The following ASXL2 variants were observed in gnomAD, a reference collection of about 807,000 sequenced individuals.
ASXL2 encodes the protein putative Polycomb group protein ASXL2.
ASXL2 carries 23 observed loss-of-function variants against 122.0 expected under a neutral mutation model. The observed-to-expected ratio is 0.19, with a 90% confidence interval of 0.14 to 0.27. ASXL2 has a LOEUF of 0.27. ASXL2 is among the 10% of genes least tolerant of loss of function. The probability of loss-of-function intolerance (pLI) is 1.00; values close to 1 mark genes in which losing one functional copy is unlikely to be tolerated. For missense variants in ASXL2, 1,518 were observed against 1,713.8 expected (o/e 0.89, Z 2.02); for synonymous variants, 650 against 637.0 (o/e 1.02, Z -0.31).
intron 9 of ASXL2, among the ~76,000 whole-genome samples, chr2:25,756,417 T>C (rs1574398999): frequency 1.2e-5 from 1 of 83,510 alleles, no homozygotes; most frequent in Non-Finnish European, 2.3e-5. Context: ...ATCCACCCAG[T>C]AGAAAATAAA....
chr2:25,869,520 C>T (rs996767100), intron 1 of ASXL2, among the ~76,000 whole-genome samples: 1 of 151,964 alleles, frequency 6.6e-6, no homozygotes, highest in Non-Finnish European at 1.5e-5. Context: ...TTCTTGTCCA[C>T]AATAAAAAAA....
rs1385006760 is a variant in ASXL2 at position 25,843,824 on chromosome 2, A to AAAAAAAG, written c.140+1656_140+1657insCTTTTTT. On this transcript the variant is annotated intron_variant, in intron 2 of 12. Transcript: ENST00000435504. Reference sequence around the variant, plus strand: ...TGAGACTCCATCTCTTAAAAAAAAAAAAAAAAAAGAAAGAAAGAAAGAAAG... The same window carrying AAAAAAAG: ...TGAGACTCCATCTCTTAAAAAAAAAAAAAAAAGAAAAAAAAGAAAGAAAGAAAGAAAG... Among the ~76,000 whole-genome samples, 3 of 151,396 alleles carry AAAAAAAG rather than the reference A, an allele frequency of 2.0e-5. 1 individual carries two copies. The highest frequency in any genetic ancestry group is 7.3e-5 in the African/African-American group (3 of 41,268).
chr2:25,818,160 A>G lies in ASXL2; in HGVS notation c.144-11823T>C, dbSNP rs75172996. ...TAGAATGGCTCACCTGTTAAAATTT[A>G]TCTTTCATTTAGAGTATATTTGACC... On this transcript the variant is annotated intron_variant, in intron 3 of 12. Transcript: ENST00000435504. 7.9e-5 allele frequency among the ~76,000 whole-genome samples: 12 copies of G among 152,358 alleles called. No individual in the cohort carries two copies. The East Asian group carries it at 2.3e-3, about 29-fold the overall frequency.
intron 5 of ASXL2, among the ~76,000 whole-genome samples, chr2:25,778,895 G>A (rs2088588357): frequency 6.6e-6 from 1 of 152,050 alleles, no homozygotes; most frequent in African/African-American, 2.4e-5. Flanking sequence ...ATTTAAATTG[G>A]AAATGGTATT....
At position 25,738,361 on chromosome 2, in the gene ASXL2, T is replaced by C. The variant is rs903711389; in HGVS notation, c.*3668A>G. 6.6e-6 allele frequency: 1 copy of C among 152,192 alleles called. No individual in the cohort carries two copies. Among genetic ancestry groups the C allele is most frequent in the South Asian group, 2.1e-4 (1 of 4,834 alleles). 9.4% of individuals were successfully genotyped at this position (152,192 alleles called of 1,614,324 possible). On this transcript the variant is annotated 3_prime_UTR_variant, in exon 13 of 13. Transcript: ENST00000435504. Reference sequence around the variant, plus strand: ...CAATAGGTTTGTAGGTATTGAAACATGGTAGGAAAGGCCCCTGCCTATCAC... The same window carrying C: ...CAATAGGTTTGTAGGTATTGAAACACGGTAGGAAAGGCCCCTGCCTATCAC...
chr2:25,767,507 A>C, intron 8 of ASXL2, 76 bp downstream of exon 8: 1 of 1,496,468 alleles, frequency 6.7e-7, no homozygotes, highest in Non-Finnish European at 9.1e-7. Context: ...TACCTAAGCC[A>C]GGTAGCTGAT....
At chr2:25,753,381 AAAG>A (rs2088079279) in intron 11 of ASXL2, among the ~76,000 whole-genome samples, 150 bp downstream of exon 11, 1 of 151,818 alleles carries the variant, frequency 6.6e-6, no homozygotes, top group African/African-American at 2.4e-5. Flanking sequence ...ACTTCTTCCT[AAAG>A]AAGAATCAGT....
intron 3 of ASXL2, among the ~76,000 whole-genome samples, chr2:25,819,252 A>G (rs1308075845): frequency 6.6e-6 from 1 of 152,222 alleles, no homozygotes; most frequent in Admixed American, 6.5e-5. Context: ...AACTGAGATA[A>G]TAAATGCACT....
chr2:25,746,403 A>G (rs193031775), intron 12 of ASXL2, among the ~76,000 whole-genome samples: 80 of 152,162 alleles, frequency 5.3e-4, no homozygotes, highest in African/African-American at 1.7e-3. Context: ...CCTAGATAGT[A>G]TATTTACTCA....
At position 25,737,037 on chromosome 2, in the gene ASXL2, T is replaced by C. The variant is rs946739638; in HGVS notation, c.*4992A>G. 2.2e-4 allele frequency: 34 copies of C among 152,110 alleles called. No homozygotes were observed. The highest frequency in any genetic ancestry group is 8.0e-4 in the African/African-American group (33 of 41,432). 9.4% of individuals were successfully genotyped at this position (152,110 alleles called of 1,614,324 possible). A position where few individuals can be genotyped will look rare whatever the true frequency, so the allele number is the denominator to read the frequency against. ...CCAACTGGCTCAGACCTCATTTCCA[T>C]AGCTACCCTTCCTGACCCAGAGGAG... On this transcript the variant is annotated 3_prime_UTR_variant, in exon 13 of 13. Transcript: ENST00000435504.
At chr2:25,857,980 C>A (rs924683018) in intron 1 of ASXL2, among the ~76,000 whole-genome samples, 2 of 152,096 alleles carry the variant, frequency 1.3e-5, no homozygotes, top group African/African-American at 4.8e-5. Flanking sequence ...TTAAGCAGTT[C>A]TGTAGGCAGG....
chr2:25,831,710 A>T (rs1321383561), intron 3 of ASXL2, among the ~76,000 whole-genome samples: 2 of 152,206 alleles, frequency 1.3e-5, no homozygotes, highest in Non-Finnish European at 2.9e-5. Context: ...AAAAAGTAAT[A>T]AAGAAAAATG....
At chr2:25,777,990 C>T (rs1026909363) in intron 5 of ASXL2, among the ~76,000 whole-genome samples, 8 of 152,086 alleles carry the variant, frequency 5.3e-5, no homozygotes, top group Non-Finnish European at 1.5e-5. Flanking sequence ...ATGGTATTAT[C>T]TAAGTTTTAC....
rs747949212 is a variant in ASXL2 at position 25,743,155 on chromosome 2, G to A, written c.3182C>T (p.Ala1061Val). ...AGTCTGAAGGATCTGATCTTGGGTT[G>A]CTTTACTTAGTCCTTCGTGGTATTG... is the stretch of plus-strand genomic sequence containing the variant. ...THQYHEGLSK[A>V]TQDQILQTLI... The change falls in exon 13 of 13, where the codon GCA (alanine) becomes GTA (valine). Residue 1061 changes from alanine to valine, a missense_variant. Around this residue, in one of 8 missense-constraint regions of ASXL2, gnomAD observed 831 missense variants for 833.1 expected, o/e 1.00. Transcript: ENST00000435504. 1.1e-5 allele frequency: 17 copies of A among 1,614,014 alleles called. No homozygotes were observed. The South Asian group carries it at 1.5e-4, about 15-fold the overall frequency.
At chr2:25,841,052 C>T (rs747338099) in intron 2 of ASXL2, among the ~76,000 whole-genome samples, 3 of 152,184 alleles carry the variant, frequency 2.0e-5, no homozygotes, top group Non-Finnish European at 4.4e-5. Flanking sequence ...TATCCCAGCA[C>T]TTTGGGAGGC....
intron 8 of ASXL2, among the ~76,000 whole-genome samples, chr2:25,765,192 T>C (rs1029321075): frequency 1.1e-4 from 16 of 152,122 alleles, no homozygotes; most frequent in African/African-American, 3.4e-4. Flanking sequence ...GTTTTGAAAA[T>C]AGTCATTGTG....
chr2:25,834,572 C>T (rs556384159), intron 3 of ASXL2, among the ~76,000 whole-genome samples: 8 of 152,094 alleles, frequency 5.3e-5, no homozygotes, highest in East Asian at 1.9e-4. Context: ...AGACTAACTA[C>T]GCTCTAATTA....
chr2:25,764,748 T>C (rs956386459), intron 8 of ASXL2, among the ~76,000 whole-genome samples: 36 of 152,350 alleles, frequency 2.4e-4, no homozygotes, highest in Admixed American at 2.1e-3. Context: ...ATATAATTAA[T>C]GGAATTGGAC....
chr2:25,787,632 A>T (rs889112215), intron 5 of ASXL2, among the ~76,000 whole-genome samples: 7 of 152,230 alleles, frequency 4.6e-5, no homozygotes, highest in African/African-American at 1.7e-4. Context: ...ATTATAAAGT[A>T]AAAAAAGTTA....
Sources: allele counts gnomAD v4.1 joint callset (sites outside exome capture counted in the v4.1 genomes callset), GRCh38; gene constraint gnomAD v4.1.1; regional missense constraint gnomAD v4.1.1; transcripts MANE v1.5; gene names NCBI Gene and HGNC (gene_info 2026-07-23, HGNC 2026-07-21).